RNASEL: variants seen among roughly 807,000 people sequenced by gnomAD.
The protein encoded by RNASEL is ribonuclease L.
RNASEL carries 36 observed loss-of-function variants against 50.9 expected under a neutral mutation model. The ratio of observed to expected loss-of-function variants is 0.71; its 90% CI spans 0.54 to 0.93. The LOEUF (loss-of-function observed/expected upper bound fraction) is 0.93, where lower values mean the gene tolerates loss of function less well. Among genes scored for constraint, RNASEL ranks in the 40% least tolerant of loss-of-function variants. The pLI, the probability that RNASEL is intolerant of heterozygous loss-of-function variation, is 0.00. For missense variants in RNASEL, 860 were observed against 894.5 expected, an observed-to-expected ratio of 0.96 and a Z score of 0.49; for synonymous variants, 335 against 335.6, an observed-to-expected ratio of 1.00 and a Z score of 0.02.
intron 6 of RNASEL, 132 bp downstream of exon 6, chr1:182,576,124 C>G: frequency 1.1e-6 from 1 of 871,906 alleles, no homozygotes; most frequent in Non-Finnish European, 1.8e-6. Context: ...CTTTTACACA[C>G]AGAGGGAAGG....
chr1:182,585,778 C>A lies in RNASEL; in HGVS notation c.1029G>T (p.Trp343Cys). 6.2e-7 allele frequency: 1 copy of A among 1,614,076 alleles called. No homozygotes were observed. Among genetic ancestry groups the A allele is most frequent in the Non-Finnish European group, 8.5e-7 (1 of 1,180,006 alleles). ...AEDWKPQSSH[W>C]GAALKDLHRI... ...TGTGGAGATCCTTCAGGGCTGCCCCCCAGTGTGAGCTCTGAGGCTTCCAGT... is the reference window on the plus strand; with the variant it reads ...TGTGGAGATCCTTCAGGGCTGCCCCACAGTGTGAGCTCTGAGGCTTCCAGT... Residue 343 changes from tryptophan to cysteine, a missense_variant, in exon 2 of 7, where the codon TGG (tryptophan) becomes TGT (cysteine). By Grantham distance (215) the Trp-to-Cys change is radical. Transcript: ENST00000367559.
rs1183297343 is a variant in RNASEL, at chr1:182,573,719, C to T, written c.*1673G>A. 1 of 182,568 alleles carries T rather than the reference C, an allele frequency of 5.5e-6. No homozygotes were observed. The highest frequency in any genetic ancestry group is 1.2e-5 in the Non-Finnish European group (1 of 85,784). 11.3% of individuals were successfully genotyped at this position (182,568 alleles called of 1,614,324 possible). On this transcript the variant is annotated 3_prime_UTR_variant, in exon 7 of 7. Transcript: ENST00000367559. ...CAGGTGCTCATTACAAATCAGAGAA[C>T]CAAAGCTTCATTTTAAAAGTTAAAG... is the stretch of plus-strand genomic sequence containing the variant.
chr1:182,580,182 C>CAA (rs1176410711), intron 5 of RNASEL, among the ~76,000 whole-genome samples: 1 of 152,110 alleles, frequency 6.6e-6, no homozygotes, highest in Non-Finnish European at 1.5e-5. Flanking sequence ...AAATTTTAGC[C>CAA]AAAGTTTGAT....
chr1:182,585,241 C>G (rs893148212), intron 2 of RNASEL, 86 bp downstream of exon 2: 24 of 1,297,304 alleles, frequency 1.8e-5, no homozygotes, highest in South Asian at 7.9e-5. Context: ...TTACTCTAGG[C>G]CTTTCCTCTC....
Position 182,585,446 on chromosome 1 carries a change from T to G in RNASEL, c.1361A>C (p.Glu454Ala), listed in dbSNP as rs1661573467. ...TCGGGCAAATTCATCTTCCTCATTT[T>G]CCACATCTTCCCCTCTGTGCACATC... ...CLDVHRGEDV[E>A]NEEDEFARNV... Residue 454 changes from glutamate to alanine, a missense_variant, in exon 2 of 7, where the codon GAA becomes GCA. Transcript: ENST00000367559. 6.2e-7 allele frequency: 1 copy of G among 1,614,162 alleles called. No individual in the cohort carries two copies. The highest frequency in any genetic ancestry group is 8.5e-7 in the Non-Finnish European group (1 of 1,180,030).
chr1:182,582,500 T>C (rs112900933), intron 3 of RNASEL, among the ~76,000 whole-genome samples: 21 of 152,318 alleles, frequency 1.4e-4, no homozygotes, highest in African/African-American at 5.1e-4. Context: ...TAGGGCAGAC[T>C]GCTTGGAGGA....
At chr1:182,579,845 G>A (rs1262827097) in intron 5 of RNASEL, 3 of 641,986 alleles carry the variant, frequency 4.7e-6, no homozygotes, top group Non-Finnish European at 7.6e-6. Flanking sequence ...TTTCCTCAGT[G>A]AGTAAATGAG....
Position 182,581,320 on chromosome 1 carries a change from C to T in RNASEL, c.1810G>A (p.Asp604Asn), listed in dbSNP as rs369109378. 65 of 1,613,826 alleles carry T rather than the reference C, an allele frequency of 4.0e-5. 1 individual carries two copies. Among genetic ancestry groups the T allele is most frequent in the African/African-American group, 3.7e-4 (28 of 74,838 alleles). The change falls in exon 5 of 7, where the codon GAC becomes AAC. Residue 604 changes from aspartate (D) to asparagine (N), a missense_variant. By Grantham distance (23) the Asp-to-Asn change is conservative (BLOSUM62 1). Coordinates refer to ENST00000367559, the MANE Select transcript of RNASEL (RefSeq NM_021133.4). ...CTTTCAGATTTTCGTGTTTTGATGT[C>T]GGATTCATTTCCCACATTCCGAAGC... Reference protein sequence around the residue: ...RTLRNVGNESDIKTRKSESEI... With the variant: ...RTLRNVGNESNIKTRKSESEI...
Position 182,585,994 on chromosome 1 carries a change from A to T in RNASEL, c.813T>A (p.Ser271Arg). The change falls in exon 2 of 7, where the codon AGT becomes AGA. Residue 271 changes from serine (S) to arginine (R), a missense_variant. Ser to Arg is a moderately radical substitution (Grantham distance 110). Coordinates refer to ENST00000367559, the MANE Select transcript of RNASEL (RefSeq NM_021133.4). ...CAAGCAGCAGTGCTGTTTTGCCATCACTGTCTGTGTCATTAATCTCTATGT... is the reference window on the plus strand; with the variant it reads ...CAAGCAGCAGTGCTGTTTTGCCATCTCTGTCTGTGTCATTAATCTCTATGT... ...QEHIEINDTD[S>R]DGKTALLLAV... is the part of the protein sequence containing the mutation. 2 of 1,614,008 alleles carry T rather than the reference A, an allele frequency of 1.2e-6. No homozygotes were observed. Among genetic ancestry groups the T allele is most frequent in the Non-Finnish European group, 1.7e-6 (2 of 1,180,006 alleles).
At chr1:182,581,558 T>A (rs1187675015) in intron 4 of RNASEL, among the ~76,000 whole-genome samples, 1 of 133,752 alleles carries the variant, frequency 7.5e-6, no homozygotes, top group Admixed American at 8.9e-5. Flanking sequence ...CTTGGCTCAC[T>A]GCAACCTCCA....
rs748289886 is a variant in RNASEL, at chr1:182,584,084, T to C, written c.1563A>G (p.Leu521=). ...TAAACTGGATTGTAGAATTTACCTC[T>C]AGATCTCTCTTGACTTCCTGTGGAT... is the stretch of plus-strand genomic sequence containing the variant. ...AGDPQEVKRD[L]EDLGRLVLYV... Residue 521 remains leucine (L), a synonymous_variant, in exon 3 of 7, where the codon CTA becomes CTG. Transcript: ENST00000367559. 6.2e-7 allele frequency: 1 copy of C among 1,610,830 alleles called. No homozygotes were observed. Among genetic ancestry groups the C allele is most frequent in the Admixed American group, 1.7e-5 (1 of 60,024 alleles).
intron 5 of RNASEL, chr1:182,579,312 G>A (rs1661447691): frequency 2.0e-6 from 2 of 986,636 alleles, no homozygotes; most frequent in Non-Finnish European, 2.4e-6. Context: ...CTCTTTGTCT[G>A]TGCTTGTCAC....
chr1:182,584,995 C>T (rs908896915), intron 2 of RNASEL, among the ~76,000 whole-genome samples: 1 of 152,142 alleles, frequency 6.6e-6, no homozygotes, highest in African/African-American at 2.4e-5. Flanking sequence ...GTTACTGCCA[C>T]CTTGTCTGAA....
intron 1 of RNASEL, among the ~76,000 whole-genome samples, chr1:182,588,557 C>T (rs1295050083): frequency 1.3e-5 from 2 of 152,252 alleles, no homozygotes; most frequent in Non-Finnish European, 2.9e-5. Flanking sequence ...AATCATCAGA[C>T]AGCCCGAAAC....
Position 182,585,681 on chromosome 1 carries a change from C to A in RNASEL, c.1126G>T (p.Glu376Ter), listed in dbSNP as rs1661579579. Residue 376 changes from glutamate (E) to a stop codon, truncating the protein, a stop_gained, in exon 2 of 7, where the codon GAA (glutamate) becomes TAA (stop). Coordinates refer to ENST00000367559, the MANE Select transcript of RNASEL (RefSeq NM_021133.4). LOFTEE classifies it high-confidence loss of function. ...DEKYKIADTS[E>*]GGIYLGFYEK... ...TAGAACCCCAGGTAGATGCCTCCTTCTGAAGTATCAGCAATTTTGTATTTT... is the reference window on the plus strand; with the variant it reads ...TAGAACCCCAGGTAGATGCCTCCTTATGAAGTATCAGCAATTTTGTATTTT... The A allele has an allele frequency of 6.2e-7, 1 of 1,614,156 alleles. No individual in the cohort carries two copies. The highest frequency in any genetic ancestry group is 8.5e-7 in the Non-Finnish European group (1 of 1,180,034).
At chr1:182,579,365 G>C (rs943024043) in intron 5 of RNASEL, 3 of 990,098 alleles carry the variant, frequency 3.0e-6, no homozygotes, top group Non-Finnish European at 3.6e-6. Flanking sequence ...TATTTAGAAA[G>C]AGTTTGGGCT....
intron 5 of RNASEL, chr1:182,577,058 T>TAGCAGAA (rs1202489240): frequency 4.0e-5 from 6 of 148,550 alleles, no homozygotes; most frequent in Non-Finnish European, 8.9e-5. Context: ...TTTTTTTTTG[T>TAGCAGAA]ATTTTTAGTA....
Position 182,581,292 on chromosome 1 carries a change from T to C in RNASEL, c.1838A>G (p.Glu613Gly), listed in dbSNP as rs1272571185. ...SDIKTRKSES[E>G]ILRLLQPGPS... ...CCCAGGTTGCAGTAGTCTGAGGATC[T>C]CACTTTCAGATTTTCGTGTTTTGAT... Residue 613 changes from glutamate to glycine, a missense_variant, in exon 5 of 7, where the codon GAG (glutamate) becomes GGG (glycine). Physicochemically the swap from Glu to Gly is moderately conservative, Grantham distance 98. Coordinates refer to ENST00000367559, the MANE Select transcript of RNASEL (RefSeq NM_021133.4). 2.5e-6 allele frequency: 4 copies of C among 1,614,026 alleles called. No individual in the cohort carries two copies. The African/African-American group carries it at 4.0e-5, about 16-fold the overall frequency.
rs2102372320 is a variant in RNASEL at position 182,586,608 on chromosome 1, C to G, written c.199G>C (p.Val67Leu). ...EGGWTPLHNA[V>L]QMSREDIVEL... is the part of the protein sequence containing the mutation. ...ACAATGTCCTCCCTGCTCATTTGTA[C>G]TGCGTTATGCAGAGGTGTCCAGCCC... The change falls in exon 2 of 7, where the codon GTA (valine) becomes CTA (leucine). Residue 67 changes from valine (V) to leucine (L), a missense_variant. Physicochemically the swap from Val to Leu is conservative, Grantham distance 32. Transcript: ENST00000367559. 1 of 1,609,720 alleles carries G rather than the reference C, an allele frequency of 6.2e-7. No homozygotes were observed. The highest frequency in any genetic ancestry group is 8.5e-7 in the Non-Finnish European group (1 of 1,176,676).
Sources: gnomAD v4.1 joint callset for allele counts (sites outside exome capture counted in the v4.1 genomes callset) on GRCh38, gnomAD v4.1.1 for gene constraint, MANE v1.5 for transcripts, NCBI Gene and HGNC (gene_info 2026-07-23, HGNC 2026-07-21) for gene names.